The following ZMAT5 variants were observed in gnomAD, a reference collection of about 807,000 sequenced individuals.
ZMAT5 encodes zinc finger matrin-type 5.
ZMAT5 carries 23 observed loss-of-function variants against 28.0 expected under a neutral mutation model. The ratio of observed to expected loss-of-function variants is 0.82; its 90% CI spans 0.59 to 1.16. The LOEUF (loss-of-function observed/expected upper bound fraction) is 1.16, where lower values mean the gene tolerates loss of function less well. ZMAT5 is among the 50% of genes most tolerant of loss of function. The pLI, the probability that ZMAT5 is intolerant of heterozygous loss-of-function variation, is 0.00. For synonymous variants in ZMAT5, 76 were observed against 84.1 expected (o/e 0.90, Z 0.52); for missense variants, 173 against 212.7 (o/e 0.81, Z 1.16).
At chr22:29,732,641 G>A (rs1185418528) in intron 5 of ZMAT5, among the ~76,000 whole-genome samples, 1 of 151,424 alleles carries the variant, frequency 6.6e-6, no homozygotes, top group Non-Finnish European at 1.5e-5. Flanking sequence ...TTGGGAGGCT[G>A]AGGCAGGAGA....
intron 2 of ZMAT5, 180 bp downstream of exon 2, chr22:29,748,238 T>C (rs1038348185): frequency 2.0e-5 from 16 of 808,430 alleles, no homozygotes; most frequent in African/African-American, 8.6e-5. Flanking sequence ...GTCAGCGTTG[T>C]TGGGGAAAGA....
At chr22:29,737,311 C>G (rs551418324) in intron 5 of ZMAT5, among the ~76,000 whole-genome samples, 1 of 152,196 alleles carries the variant, frequency 6.6e-6, no homozygotes, top group African/African-American at 2.4e-5. Flanking sequence ...CTGGGCAATA[C>G]AGCAAGACTC....
At chr22:29,738,282 G>A in intron 5 of ZMAT5, 48 bp downstream of exon 5, 1 of 1,552,714 alleles carries the variant, frequency 6.4e-7, no homozygotes, top group South Asian at 1.1e-5. Context: ...GCGGGCTGGG[G>A]TTTTGCCCCC....
At chr22:29,759,805 G>A (rs931781001) in intron 1 of ZMAT5, among the ~76,000 whole-genome samples, 3 of 152,014 alleles carry the variant, frequency 2.0e-5, no homozygotes, top group Admixed American at 6.6e-5. Flanking sequence ...GGTGGCTCAT[G>A]TCTGTAATCC....
intron 5 of ZMAT5, 73 bp from the exon 6 acceptor site, chr22:29,731,427 T>C: frequency 2.0e-6 from 3 of 1,502,066 alleles, no homozygotes; most frequent in Non-Finnish European, 2.6e-6. Context: ...CCAGCCCACC[T>C]GCCTCACCAC....
At chr22:29,734,304 G>A (rs1467267169) in intron 5 of ZMAT5, among the ~76,000 whole-genome samples, 1 of 152,234 alleles carries the variant, frequency 6.6e-6, no homozygotes, top group African/African-American at 2.4e-5. Flanking sequence ...TTTACAAGGA[G>A]GGCTGGCCTG....
chr22:29,737,025 C>CAAAAAAAAAA (rs1406580047), intron 5 of ZMAT5, among the ~76,000 whole-genome samples: 3 of 73,940 alleles, frequency 4.1e-5, no homozygotes, highest in Non-Finnish European at 2.9e-5. Flanking sequence ...GAATCCGTCT[C>CAAAAAAAAAA]AAAAAAAAAA....
At chr22:29,742,769 C>A (rs1252959017) in intron 2 of ZMAT5, among the ~76,000 whole-genome samples, 1 of 152,124 alleles carries the variant, frequency 6.6e-6, no homozygotes, top group Non-Finnish European at 1.5e-5. Context: ...AGGGAGTCAG[C>A]TGGAGAGTCT....
chr22:29,754,068 GCA>G (rs1295794163), intron 1 of ZMAT5, among the ~76,000 whole-genome samples: 1 of 152,036 alleles, frequency 6.6e-6, no homozygotes, highest in Non-Finnish European at 1.5e-5. Flanking sequence ...GGTGCAACCT[GCA>G]CCACCGTACT....
Position 29,761,708 on chromosome 22 carries a change from G to A in ZMAT5, c.-28+5164C>T, listed in dbSNP as rs5997517. ...TAATATTGAAAAAAAAATGTGATAT[G>A]TTGAGTGTCTAACAGATAAGCATTG... On this transcript the variant is annotated intron_variant, in intron 1 of 5. Transcript: ENST00000344318. 1.0e-3 allele frequency among the ~76,000 whole-genome samples: 156 copies of A among 152,286 alleles called. 2 individuals are homozygous for A. The highest frequency in any genetic ancestry group is 3.7e-3 in the African/African-American group (153 of 41,558).
At chr22:29,738,967 C>T (rs560348369) in intron 4 of ZMAT5, among the ~76,000 whole-genome samples, 29 of 151,692 alleles carry the variant, frequency 1.9e-4, no homozygotes, top group African/African-American at 6.8e-4. Context: ...GCTAAGATCG[C>T]ACCACTGCAC....
At position 29,731,138 on chromosome 22, in the gene ZMAT5, C is replaced by T. The variant is rs529076576; in HGVS notation, c.*87G>A. 4.6e-5 allele frequency: 63 copies of T among 1,378,664 alleles called. 1 individual carries two copies. In the South Asian group the frequency reaches 1.0e-3, roughly 22 times the overall value. 85.4% of individuals were successfully genotyped at this position (1,378,664 alleles called of 1,614,324 possible). On this transcript the variant is annotated 3_prime_UTR_variant, in exon 6 of 6. Coordinates refer to ENST00000344318, the MANE Select transcript of ZMAT5 (RefSeq NM_001003692.2). ...GCTGGGCAGATGGTCTCGGAGCCTC[C>T]ATGGGGCGTAGCAGGAACCGGGCTT...
At chr22:29,763,506 G>C (rs2068178984) in intron 1 of ZMAT5, among the ~76,000 whole-genome samples, 1 of 144,860 alleles carries the variant, frequency 6.9e-6, no homozygotes, top group South Asian at 2.2e-4. Flanking sequence ...GGAGGCTGAG[G>C]CAGGAGAATT....
intron 1 of ZMAT5, among the ~76,000 whole-genome samples, chr22:29,756,246 G>A (rs1010095865): frequency 3.3e-5 from 5 of 152,214 alleles, no homozygotes; most frequent in African/African-American, 4.8e-5. Context: ...CTAGGAGCTC[G>A]GTAATGTCCC....
rs745328470 is a variant in ZMAT5 at position 29,731,186 on chromosome 22, GAA to G, written c.*37_*38del. On this transcript the variant is annotated 3_prime_UTR_variant, in exon 6 of 6. Transcript: ENST00000344318. The stretch of plus-strand genomic sequence containing the variant: ...CTTGGCTTCCTATTGTGACTGATGA[GAA>G]AAGTGACCACGTGGGGGTCAGTCGG... 2 of 1,460,096 alleles carry G rather than the reference GAA, an allele frequency of 1.4e-6. No individual in the cohort carries two copies. Among genetic ancestry groups the G allele is most frequent in the African/African-American group, 1.5e-5 (1 of 67,302 alleles). 90.4% of individuals were successfully genotyped at this position (1,460,096 alleles called of 1,614,324 possible).
At chr22:29,751,169 T>C (rs1049878751) in intron 1 of ZMAT5, among the ~76,000 whole-genome samples, 2 of 151,746 alleles carry the variant, frequency 1.3e-5, no homozygotes, top group African/African-American at 2.4e-5. Context: ...TGGAGAGTAA[T>C]GGGGAAGGGA....
chr22:29,748,609 G>A, intron 1 of ZMAT5, 38 bp from the exon 2 acceptor site: 1 of 1,607,308 alleles, frequency 6.2e-7, no homozygotes, highest in South Asian at 1.1e-5. Flanking sequence ...GACCATTGGA[G>A]AAAACACATC....
In ZMAT5 at chr22:29,742,444, C is replaced by T. The variant is rs775134587; in HGVS notation, c.164G>A (p.Arg55Gln). The T allele has an allele frequency of 1.1e-5, 17 of 1,613,132 alleles. No homozygotes were observed. The highest frequency in any genetic ancestry group is 9.9e-5 in the South Asian group (9 of 91,086). Reference sequence around the variant, plus strand: ...TGTCAGTAGAAACTTCCTGCAGGGCCGCTTGTTCTGCTCATCCAGCAAGAT... The same window carrying T: ...TGTCAGTAGAAACTTCCTGCAGGGCTGCTTGTTCTGCTCATCCAGCAAGAT... ...AAILLDEQNK[R>Q]PCRKFLLTGQ... is the part of the protein sequence containing the mutation. The change falls in exon 3 of 6, where the codon CGG (arginine) becomes CAG (glutamine). Residue 55 changes from arginine (R) to glutamine (Q), a missense_variant. Transcript: ENST00000344318.
rs1569338192 is a variant in ZMAT5, at chr22:29,748,470, C to CT, written c.74_75insA (p.Asn26GlufsTer26). On this transcript the variant is annotated frameshift_variant, in exon 2 of 6. Coordinates refer to ENST00000344318, the MANE Select transcript of ZMAT5 (RefSeq NM_001003692.2). LOFTEE classifies it high-confidence loss of function. ...TGGCCTTGAGGTGCTGCAGCCCGTT[C>CT]AGGTGCTTCTTGCGGTTGTGGAGGT... 6.2e-7 allele frequency: 1 copy of CT among 1,614,254 alleles called. No individual in the cohort carries two copies. Among genetic ancestry groups the CT allele is most frequent in the Non-Finnish European group, 8.5e-7 (1 of 1,180,048 alleles).
Sources: allele counts gnomAD v4.1 joint callset (sites outside exome capture counted in the v4.1 genomes callset), GRCh38; gene constraint gnomAD v4.1.1; transcripts MANE v1.5; gene names NCBI Gene and HGNC (gene_info 2026-07-23, HGNC 2026-07-21).